MYH15: variants seen among roughly 807,000 people sequenced by gnomAD.
MYH15 encodes myosin-15.
Under a neutral mutation model 240.5 loss-of-function variants are expected in MYH15, and 227 were observed. The observed-to-expected ratio is 0.94, with a 90% CI of 0.85 to 1.05. MYH15 has a LOEUF of 1.05. MYH15 is among the 50% of genes least tolerant of loss of function. The pLI is 0.00. For missense variants in MYH15, 2,217 were observed against 2,247.5 expected (o/e 0.99, Z 0.27); for synonymous variants, 785 against 796.7 (o/e 0.99, Z 0.25).
intron 33 of MYH15, among the ~76,000 whole-genome samples, chr3:108,404,276 G>A (rs565156489): frequency 7.5e-4 from 114 of 152,142 alleles, no homozygotes; most frequent in African/African-American, 2.6e-3. Flanking sequence ...AATGGGCTGT[G>A]GGAAAGAGGT....
chr3:108,408,435 G>A (rs2082563036), intron 31 of MYH15, 31 bp from the exon 32 acceptor site: 5 of 1,590,148 alleles, frequency 3.1e-6, no homozygotes, highest in African/African-American at 1.3e-5. Context: ...AACAAAGTTA[G>A]TGAATGGGCT....
Position 108,428,592 on chromosome 3 carries a change from T to C in MYH15, c.3602A>G (p.Asn1201Ser). ...CAGTTTCTGCTTGACCTGCTGTAGA[T>C]TTTCTACCTGGCCCTCGAGCTCAGC... ...SLAELEGQVE[N>S]LQQVKQKLEK... is the part of the protein sequence containing the mutation. Residue 1201 changes from asparagine to serine, a missense_variant, in exon 27 of 41, where the codon AAT becomes AGT. Asn to Ser is a conservative substitution (Grantham distance 46). Transcript: ENST00000693548. 6.2e-7 allele frequency: 1 copy of C among 1,613,982 alleles called. No individual in the cohort carries two copies. Among genetic ancestry groups the C allele is most frequent in the African/African-American group, 1.3e-5 (1 of 74,950 alleles).
intron 1 of MYH15, among the ~76,000 whole-genome samples, chr3:108,517,655 A>C (rs934735863): frequency 2.0e-5 from 3 of 151,060 alleles, no homozygotes; most frequent in Non-Finnish European, 2.9e-5. Flanking sequence ...TTTAGTAGGA[A>C]TGGGGTTTCA....
chr3:108,463,280 A>G (rs759392283), intron 15 of MYH15, 37 bp from the exon 16 acceptor site: 1 of 1,572,010 alleles, frequency 6.4e-7, no homozygotes, highest in Non-Finnish European at 8.6e-7. Context: ...AAAAAAAGAA[A>G]AAAAACTGCA....
intron 37 of MYH15, among the ~76,000 whole-genome samples, chr3:108,391,108 C>A (rs1248467127): frequency 6.6e-6 from 1 of 152,170 alleles, no homozygotes; most frequent in East Asian, 1.9e-4. Context: ...CATAAACATG[C>A]AAAGGTGATA....
At position 108,421,342 on chromosome 3, in the gene MYH15, G is replaced by A. The variant is rs2082682881; in HGVS notation, c.3703-128C>T. ...TCTTCTGTAGTAAAGAGCTCAGCCAGCATTGGGAGATCACATCTTCTGATT... is the reference window on the plus strand; with the variant it reads ...TCTTCTGTAGTAAAGAGCTCAGCCAACATTGGGAGATCACATCTTCTGATT... On this transcript the variant is annotated intron_variant, in intron 27 of 40. Transcript: ENST00000693548. The A allele has an allele frequency of 4.6e-6, 5 of 1,078,670 alleles. No homozygotes were observed. In the South Asian group the frequency reaches 6.3e-5, roughly 13 times the overall value. The allele number at this position is 1,078,670 out of a possible 1,614,324, so 66.8% of individuals were successfully genotyped here.
chr3:108,388,776 G>A (rs549196804), intron 38 of MYH15, among the ~76,000 whole-genome samples, 194 bp downstream of exon 38: 1 of 152,308 alleles, frequency 6.6e-6, no homozygotes, highest in Admixed American at 6.5e-5. Context: ...TTTCCTGAGA[G>A]CTCTGAAAAG....
intron 1 of MYH15, among the ~76,000 whole-genome samples, chr3:108,523,418 T>C (rs1048988155): frequency 2.0e-5 from 3 of 151,996 alleles, no homozygotes; most frequent in Non-Finnish European, 2.9e-5. Context: ...TGTAAATATA[T>C]GCAATTATTA....
intron 9 of MYH15, 105 bp downstream of exon 9, chr3:108,492,395 T>C (rs756022767): frequency 4.4e-6 from 3 of 675,180 alleles, no homozygotes; most frequent in Non-Finnish European, 7.3e-6. Context: ...TATACTGAGG[T>C]CTAAATAGGC....
upstream of MYH15, chr3:108,510,648 TG>T: frequency 6.6e-7 from 1 of 1,506,372 alleles, no homozygotes. Flanking sequence ...AAGCTCTAAA[TG>T]AGCAACCATT....
chr3:108,481,621 T>C (rs970826205), intron 11 of MYH15, among the ~76,000 whole-genome samples: 3 of 151,960 alleles, frequency 2.0e-5, no homozygotes, highest in Admixed American at 1.3e-4. Flanking sequence ...GAAGAGTTAG[T>C]GAAAATAGTC....
chr3:108,474,465 TA>T lies in MYH15; in HGVS notation c.1233+1931del, dbSNP rs1288642376. Reference sequence around the variant, plus strand: ...CCTAGGGGCTCCTTATTTTTTTTTTTATTTTTTATTTTTGCTTTTTTTTGTT... The same window carrying T: ...CCTAGGGGCTCCTTATTTTTTTTTTTTTTTTTATTTTTGCTTTTTTTTGTT... On this transcript the variant is annotated intron_variant, in intron 12 of 40. Transcript: ENST00000693548. 6.4e-3 allele frequency among the ~76,000 whole-genome samples: 967 copies of T among 150,016 alleles called. 7 individuals are homozygous for T. Among genetic ancestry groups the T allele is most frequent in the African/African-American group, 0.022 (909 of 40,730 alleles).
At position 108,391,821 on chromosome 3, in the gene MYH15, G is replaced by A; in HGVS notation, c.5369C>T (p.Ala1790Val). ...QTITDLQKRLAEAEQMALMGS... is the reference protein window; with the variant it reads ...QTITDLQKRLVEAEQMALMGS... Reference sequence around the variant, plus strand: ...CATCAGGGCCATCTGTTCAGCTTCAGCCAGCCTTTTCTGTAAGTCTGTAAT... The same window carrying A: ...CATCAGGGCCATCTGTTCAGCTTCAACCAGCCTTTTCTGTAAGTCTGTAAT... The change falls in exon 37 of 41, where the codon GCT (alanine) becomes GTT (valine). Residue 1790 changes from alanine to valine, a missense_variant. By Grantham distance (64) the Ala-to-Val change is moderately conservative. Coordinates refer to ENST00000693548, the MANE Select transcript of MYH15 (RefSeq NM_014981.3). 1 of 1,614,070 alleles carries A rather than the reference G, an allele frequency of 6.2e-7. No homozygotes were observed.
In MYH15 at chr3:108,398,734, T is replaced by G. The variant is rs766123249; in HGVS notation, c.5036A>C (p.Asp1679Ala). 3.7e-6 allele frequency: 6 copies of G among 1,614,052 alleles called. No homozygotes were observed. In the African/African-American group the frequency reaches 8.0e-5, roughly 22 times the overall value. The change falls in exon 35 of 41, where the codon GAT becomes GCT. Residue 1679 changes from aspartate to alanine, a missense_variant. Physicochemically the swap from Asp to Ala is moderately radical, Grantham distance 126. Transcript: ENST00000693548. ...RNSLLQSELEDLRSLQEQTER... is the reference protein window; with the variant it reads ...RNSLLQSELEALRSLQEQTER... ...TGTCTGCTCTTGCAGGGACCTTAGA[T>G]CCTCTAGTTCAGACTGAAGAAGAGA...
chr3:108,388,554 G>GC (rs1350416245), intron 38 of MYH15, among the ~76,000 whole-genome samples: 1 of 151,974 alleles, frequency 6.6e-6, no homozygotes, highest in Non-Finnish European at 1.5e-5. Context: ...GAGTGGAAAT[G>GC]CCCCCCGCTG....
chr3:108,395,060 G>C (rs954511466), intron 35 of MYH15, among the ~76,000 whole-genome samples: 1 of 152,118 alleles, frequency 6.6e-6, no homozygotes, highest in East Asian at 1.9e-4. Flanking sequence ...GAGCTCAGGA[G>C]TTTGAGACCA....
At chr3:108,537,094 A>T in the MYH15 span, among the ~76,000 whole-genome samples, 1 of 152,238 alleles carries the variant, frequency 6.6e-6, no homozygotes. Flanking sequence ...AGGCTTGCCA[A>T]TTTGAGAAAT....
At chr3:108,420,590 C>A (rs553599758) in intron 28 of MYH15, among the ~76,000 whole-genome samples, 1 of 152,032 alleles carries the variant, frequency 6.6e-6, no homozygotes, top group East Asian at 1.9e-4. Flanking sequence ...ACGTGGCCAA[C>A]GCAGATTGAG....
In MYH15 at chr3:108,459,427, G is replaced by A; in HGVS notation, c.1955C>T (p.Thr652Ile). 6.2e-7 allele frequency: 1 copy of A among 1,604,238 alleles called. No individual in the cohort carries two copies. Among genetic ancestry groups the A allele is most frequent in the Non-Finnish European group, 8.5e-7 (1 of 1,176,444 alleles). The change falls in exon 18 of 41, where the codon ACT becomes ATT. Residue 652 changes from threonine (T) to isoleucine (I), a missense_variant. Transcript: ENST00000693548. ...ATGAGGTGCTGTTGATTTCAGATTAGTCATCAATTTATTCAGGTTTTCCTA... is the reference window on the plus strand; with the variant it reads ...ATGAGGTGCTGTTGATTTCAGATTAATCATCAATTTATTCAGGTTTTCCTA... Reference protein sequence around the residue: ...LHKENLNKLMTNLKSTAPHFV... With the variant: ...LHKENLNKLMINLKSTAPHFV...
Sources: allele counts gnomAD v4.1 joint callset (sites outside exome capture counted in the v4.1 genomes callset), GRCh38; gene constraint gnomAD v4.1.1; transcripts MANE v1.5; gene names NCBI Gene and HGNC (gene_info 2026-07-23, HGNC 2026-07-21).